The following MALRD1 variants were observed in gnomAD, a reference collection of about 807,000 sequenced individuals.
MALRD1 encodes MAM and LDL receptor class A domain containing 1, also known as MAM and LDL-receptor class A domain-containing protein 1.
In MALRD1, 247 loss-of-function variants were observed where a neutral mutation model predicts 242.1. The ratio of observed to expected loss-of-function variants is 1.02; its 90% CI spans 0.92 to 1.13. The LOEUF (loss-of-function observed/expected upper bound fraction) is 1.13. MALRD1 is among the 50% of genes most tolerant of loss of function. The pLI is 0.00. For missense variants in MALRD1, 2,989 were observed against 2,533.1 expected (o/e 1.18, Z -3.86); for synonymous variants, 995 against 866.6 (o/e 1.15, Z -2.60).
chr10:19,482,169 A>G (rs1454603407), intron 29 of MALRD1, among the ~76,000 whole-genome samples: 2 of 152,068 alleles, frequency 1.3e-5, no homozygotes, highest in East Asian at 3.9e-4. Flanking sequence ...GGTTCAAATC[A>G]TTATCTTGGT....
chr10:19,438,356 A>G (rs1343142036), intron 28 of MALRD1, among the ~76,000 whole-genome samples: 1 of 152,218 alleles, frequency 6.6e-6, no homozygotes, highest in Non-Finnish European at 1.5e-5. Context: ...ATTCCATTTT[A>G]TGTATATACC....
chr10:19,450,183 T>C (rs1239061009), intron 28 of MALRD1, 124 bp from the exon 29 acceptor site: 1 of 817,784 alleles, frequency 1.2e-6, no homozygotes, highest in African/African-American at 1.7e-5. Flanking sequence ...GATTCAGTGC[T>C]TCTTTGTTTT....
intron 36 of MALRD1, among the ~76,000 whole-genome samples, chr10:19,639,536 G>A (rs1840293438): frequency 6.6e-6 from 1 of 152,176 alleles, no homozygotes; most frequent in Non-Finnish European, 1.5e-5. Flanking sequence ...CAGTATCCCT[G>A]AAGGAGTCAC....
intron 33 of MALRD1, among the ~76,000 whole-genome samples, chr10:19,585,734 G>A (rs1372129742): frequency 6.6e-6 from 1 of 152,010 alleles, no homozygotes; most frequent in Non-Finnish European, 1.5e-5. Context: ...GAGTATCTTT[G>A]TGGCGTTCTC....
At chr10:19,323,893 G>C (rs1227146650) in intron 21 of MALRD1, 56 bp from the exon 22 acceptor site, 3 of 1,509,456 alleles carry the variant, frequency 2.0e-6, no homozygotes, top group Non-Finnish European at 2.7e-6. Flanking sequence ...TTACAGGCGT[G>C]AGCCACCGTG....
chr10:19,602,972 C>T (rs1403360334), intron 34 of MALRD1, among the ~76,000 whole-genome samples: 2 of 152,116 alleles, frequency 1.3e-5, no homozygotes, highest in East Asian at 3.9e-4. Context: ...TTTCATGTGT[C>T]TGTTGGCTGC....
At chr10:19,669,239 T>G (rs1841809247) in intron 36 of MALRD1, among the ~76,000 whole-genome samples, 2 of 152,212 alleles carry the variant, frequency 1.3e-5, no homozygotes, top group African/African-American at 4.8e-5. Context: ...AAGATTTGTG[T>G]TCATTAGATT....
intron 31 of MALRD1, among the ~76,000 whole-genome samples, chr10:19,520,970 A>G (rs888523015): frequency 6.6e-6 from 1 of 152,152 alleles, no homozygotes; most frequent in African/African-American, 2.4e-5. Context: ...AATATTTCCA[A>G]GAATACTTAA....
At chr10:19,691,303 G>T (rs577734253) in intron 36 of MALRD1, among the ~76,000 whole-genome samples, 1 of 151,992 alleles carries the variant, frequency 6.6e-6, no homozygotes, top group African/African-American at 2.4e-5. Context: ...GAACCTCCAC[G>T]CTTTTTATAT....
chr10:19,632,166 A>G (rs2131650319), intron 36 of MALRD1, among the ~76,000 whole-genome samples: 1 of 152,346 alleles, frequency 6.6e-6, no homozygotes, highest in East Asian at 1.9e-4. Context: ...GACAAGGAGT[A>G]GACCTTGGTT....
intron 28 of MALRD1, among the ~76,000 whole-genome samples, chr10:19,437,864 C>CT (rs561286986): frequency 6.6e-6 from 1 of 152,004 alleles, no homozygotes; most frequent in Non-Finnish European, 1.5e-5. Flanking sequence ...TTCATTTAAG[C>CT]TTTTTTTCTG....
intron 5 of MALRD1, among the ~76,000 whole-genome samples, chr10:19,112,566 G>A (rs998373927): frequency 2.6e-5 from 4 of 152,196 alleles, no homozygotes; most frequent in East Asian, 1.9e-4. Flanking sequence ...ACTACCTTAC[G>A]CTTGTCACTT....
chr10:19,247,143 A>T (rs1042257064), intron 18 of MALRD1, among the ~76,000 whole-genome samples: 5 of 152,132 alleles, frequency 3.3e-5, no homozygotes, highest in Admixed American at 3.3e-4. Context: ...TGAACTGAAG[A>T]TCCAGAAAGT....
intron 31 of MALRD1, among the ~76,000 whole-genome samples, chr10:19,518,454 T>A (rs1413121493): frequency 6.6e-6 from 1 of 152,172 alleles, no homozygotes; most frequent in Non-Finnish European, 1.5e-5. Context: ...ATTTTCTTTT[T>A]CTTATATAAT....
chr10:19,482,710 T>C (rs1328849798), intron 29 of MALRD1, among the ~76,000 whole-genome samples: 1 of 128,244 alleles, frequency 7.8e-6, no homozygotes, highest in Non-Finnish European at 1.7e-5. Context: ...AAGCAAAAAA[T>C]ACTTAGGAAT....
chr10:19,691,969 G>A (rs1444706715), intron 36 of MALRD1, among the ~76,000 whole-genome samples: 5 of 152,060 alleles, frequency 3.3e-5, no homozygotes, highest in African/African-American at 4.8e-5. Context: ...GATGGATAAA[G>A]TAAAGTAATA....
At chr10:19,409,288 T>C (rs1833170322) in intron 28 of MALRD1, among the ~76,000 whole-genome samples, 1 of 152,110 alleles carries the variant, frequency 6.6e-6, no homozygotes, top group Non-Finnish European at 1.5e-5. Flanking sequence ...CCGAATTCCT[T>C]CAGAAATAGA....
intron 32 of MALRD1, among the ~76,000 whole-genome samples, chr10:19,547,047 G>A (rs1286646802): frequency 6.6e-6 from 1 of 152,138 alleles, no homozygotes; most frequent in Non-Finnish European, 1.5e-5. Flanking sequence ...GCATTCTGAA[G>A]GTGGTCTGTG....
intron 31 of MALRD1, among the ~76,000 whole-genome samples, chr10:19,508,684 AATT>A (rs1261863935): frequency 1.3e-5 from 2 of 152,182 alleles, no homozygotes; most frequent in African/African-American, 2.4e-5. Context: ...TATATGTTGA[AATT>A]ATAACATTTT....
Sources: gnomAD v4.1 joint callset for allele counts (sites outside exome capture counted in the v4.1 genomes callset) on GRCh38, gnomAD v4.1.1 for gene constraint, MANE v1.5 for transcripts, NCBI Gene and HGNC (gene_info 2026-07-23, HGNC 2026-07-21) for gene names.